The following TYRP1 variants were observed in gnomAD, a reference collection of about 807,000 sequenced individuals.
TYRP1 encodes tyrosinase related protein 1.
Under a neutral mutation model 42.8 loss-of-function variants are expected in TYRP1, and 49 were observed. The observed-to-expected ratio is 1.14, with a 90% CI of 0.91 to 1.45. TYRP1 has a LOEUF of 1.45. Ranked by LOEUF, TYRP1 falls within the 40% of genes most tolerant of loss-of-function variation. The pLI is 0.00. For missense variants in TYRP1, 848 were observed against 662.0 expected (o/e 1.28, Z -3.08); for synonymous variants, 279 against 235.4 (o/e 1.19, Z -1.69).
At chr9:12,701,973 C>T (rs1252868801) in intron 4 of TYRP1, among the ~76,000 whole-genome samples, 1 of 151,962 alleles carries the variant, frequency 6.6e-6, no homozygotes, top group Non-Finnish European at 1.5e-5. Flanking sequence ...CATTTTAATA[C>T]ATTCTTGTGG....
At chr9:12,708,824 G>A (rs1037638026) in intron 7 of TYRP1, among the ~76,000 whole-genome samples, 153 bp from the exon 8 acceptor site, 1 of 152,014 alleles carries the variant, frequency 6.6e-6, no homozygotes, top group Non-Finnish European at 1.5e-5. Context: ...CTCATTAAAA[G>A]AAATCAGGAA....
In TYRP1 at chr9:12,708,000, T is replaced by C; in HGVS notation, c.1265T>C (p.Ile422Thr). ...DEWLRRYNAD[I>T]STFPLENAPI... is the part of the protein sequence containing the mutation. ...CGTTGTCTTTGGAATAATTTAGATA[T>C]ATCCACATTTCCATTGGAAAATGCC... Residue 422 changes from isoleucine to threonine, a missense_variant, in exon 7 of 8, where the codon ATA becomes ACA. Transcript: ENST00000388918. 1 of 1,610,690 alleles carries C rather than the reference T, an allele frequency of 6.2e-7. No individual in the cohort carries two copies. Among genetic ancestry groups the C allele is most frequent in the Non-Finnish European group, 8.5e-7 (1 of 1,177,748 alleles).
intron 3 of TYRP1, among the ~76,000 whole-genome samples, chr9:12,698,128 T>C (rs1586842324): frequency 1.3e-5 from 2 of 152,210 alleles, no homozygotes; most frequent in East Asian, 3.9e-4. Context: ...TTGATAACTT[T>C]TTTGTATAAC....
intron 3 of TYRP1, among the ~76,000 whole-genome samples, chr9:12,696,314 A>G (rs904050314): frequency 1.3e-5 from 2 of 152,134 alleles, no homozygotes; most frequent in Admixed American, 1.3e-4. Context: ...ATCATGAAAA[A>G]TAATTCCTTT....
rs1473917885 is a variant in TYRP1 at position 12,708,046 on chromosome 9, A to G, written c.1311A>G (p.Gln437=). The change falls in exon 7 of 8, where the codon CAA becomes CAG. Residue 437 remains glutamine, a synonymous_variant. Coordinates refer to ENST00000388918, the MANE Select transcript of TYRP1 (RefSeq NM_000550.3). ...LENAPIGHNR[Q]YNMVPFWPPV... Reference sequence around the variant, plus strand: ...ATGCCCCTATTGGACATAATAGACAATACAACATGGTGCCATTCTGGCCCC... The same window carrying G: ...ATGCCCCTATTGGACATAATAGACAGTACAACATGGTGCCATTCTGGCCCC... 1 of 1,612,726 alleles carries G rather than the reference A, an allele frequency of 6.2e-7. No individual in the cohort carries two copies.
Position 12,704,531 on chromosome 9 carries a change from A to G in TYRP1, c.1087A>G (p.Ser363Gly). ...NSFRNTVEGY[S>G]DPTGKYDPAV... ...CCTCCTTACCATGTGTCTAGGTTAC[A>G]GTGACCCCACGGGAAAGTATGACCC... is the stretch of plus-strand genomic sequence containing the variant. The change falls in exon 6 of 8, where the codon AGT (serine) becomes GGT (glycine). Residue 363 changes from serine (S) to glycine (G), a missense_variant. Coordinates refer to ENST00000388918, the MANE Select transcript of TYRP1 (RefSeq NM_000550.3). 1.2e-6 allele frequency: 2 copies of G among 1,611,944 alleles called. No homozygotes were observed.
rs144321374 is a variant in TYRP1 at position 12,708,999 on chromosome 9, G to C, written c.1431G>C (p.Glu477Asp). The C allele has an allele frequency of 2.5e-6, 4 of 1,612,312 alleles. No individual in the cohort carries two copies. Among genetic ancestry groups the C allele is most frequent in the Non-Finnish European group, 3.4e-6 (4 of 1,179,074 alleles). The change falls in exon 8 of 8, where the codon GAG becomes GAC. Residue 477 changes from glutamate (E) to aspartate (D), a missense_variant. Physicochemically the swap from Glu to Asp is conservative, Grantham distance 45. Coordinates refer to ENST00000388918, the MANE Select transcript of TYRP1 (RefSeq NM_000550.3). ...TAGGTCGGGAGTTTAGTGTACCTGA[G>C]ATAATTGCCATAGCAGTAGTTGGCG... The part of the protein sequence containing the change: ...QWPSREFSVP[E>D]IIAIAVVGAL...
At chr9:12,704,768 A>G in intron 6 of TYRP1, 63 bp downstream of exon 6, 8 of 1,521,078 alleles carry the variant, frequency 5.3e-6, no homozygotes, top group Non-Finnish European at 7.3e-6. Context: ...TGGCATAGTT[A>G]TCAGTTCAAG....
At chr9:12,704,254 T>C (rs1818222353) in intron 5 of TYRP1, among the ~76,000 whole-genome samples, 1 of 151,958 alleles carries the variant, frequency 6.6e-6, no homozygotes, top group African/African-American at 2.4e-5. Context: ...AGAGTGTCTA[T>C]ATATTTTGAC....
chr9:12,694,487 C>G, intron 2 of TYRP1, 106 bp downstream of exon 2: 2 of 1,380,442 alleles, frequency 1.4e-6, no homozygotes, highest in Admixed American at 3.9e-5. Flanking sequence ...TCATATAGCT[C>G]AACCCTCTCT....
At chr9:12,701,909 T>C (rs1017824964) in intron 4 of TYRP1, 37 of 212,416 alleles carry the variant, frequency 1.7e-4, no homozygotes, top group South Asian at 7.8e-5. Context: ...GATTTTAGTG[T>C]AGAACTAGAT....
intron 4 of TYRP1, among the ~76,000 whole-genome samples, chr9:12,699,065 A>G (rs1488793640): frequency 6.6e-6 from 1 of 152,122 alleles, no homozygotes; most frequent in African/African-American, 2.4e-5. Context: ...CCTGGGAAGA[A>G]AAAAAAGAAA....
intron 5 of TYRP1, among the ~76,000 whole-genome samples, chr9:12,702,857 A>T (rs982127054): frequency 4.6e-5 from 7 of 152,092 alleles, no homozygotes; most frequent in Admixed American, 4.6e-4. Context: ...ACACTGAGTA[A>T]AGCCTTGCTT....
chr9:12,694,102 T>C lies in TYRP1; in HGVS notation c.106T>C (p.Leu36=). ...AAGACAGTGTGCCACTGTTGAGGCT[T>C]TGAGAAGTGGTATGTGTTGCCCAGA... ...FPRQCATVEA[L]RSGMCCPDLS... Residue 36 remains leucine (L), a synonymous_variant, in exon 2 of 8, where the codon TTG becomes CTG. Coordinates refer to ENST00000388918, the MANE Select transcript of TYRP1 (RefSeq NM_000550.3). 1 of 1,614,044 alleles carries C rather than the reference T, an allele frequency of 6.2e-7. No homozygotes were observed. The highest frequency in any genetic ancestry group is 8.5e-7 in the Non-Finnish European group (1 of 1,180,018).
chr9:12,702,503 G>T, intron 5 of TYRP1, 65 bp downstream of exon 5: 1 of 1,532,780 alleles, frequency 6.5e-7, no homozygotes, highest in Non-Finnish European at 8.9e-7. Context: ...TTATTCAAAA[G>T]CAAGTTTCTT....
chr9:12,703,950 T>G (rs1818217944), intron 5 of TYRP1, among the ~76,000 whole-genome samples: 1 of 151,262 alleles, frequency 6.6e-6, no homozygotes, highest in Non-Finnish European at 1.5e-5. Context: ...ATTGAGATAT[T>G]TATCAAAAGC....
At chr9:12,700,727 T>C (rs1818153643) in intron 4 of TYRP1, 1 of 152,112 alleles carries the variant, frequency 6.6e-6, no homozygotes, top group South Asian at 2.1e-4. Flanking sequence ...TAGAATGTAA[T>C]GTTTTGAAAC....
chr9:12,701,929 T>A, intron 4 of TYRP1: 1 of 233,966 alleles, frequency 4.3e-6, no homozygotes, highest in Non-Finnish European at 8.4e-6. Flanking sequence ...TTTATGAGAT[T>A]ATTTTGGCAA....
chr9:12,697,004 C>A (rs1312339695), intron 3 of TYRP1, among the ~76,000 whole-genome samples: 1 of 152,104 alleles, frequency 6.6e-6, no homozygotes, highest in Non-Finnish European at 1.5e-5. Flanking sequence ...ATAAAATATT[C>A]TTTTGAAAGT....
Sources: gnomAD v4.1 joint callset for allele counts (sites outside exome capture counted in the v4.1 genomes callset) on GRCh38, gnomAD v4.1.1 for gene constraint, MANE v1.5 for transcripts, NCBI Gene and HGNC (gene_info 2026-07-23, HGNC 2026-07-21) for gene names.